The following PPM1L variants were observed in gnomAD, a reference collection of about 807,000 sequenced individuals.
The protein encoded by PPM1L is protein phosphatase 1L.
A neutral mutation model predicts 31.4 loss-of-function variants in PPM1L; 13 were observed. The ratio of observed to expected loss-of-function variants is 0.41; its 90% confidence interval spans 0.27 to 0.66. The LOEUF is 0.66. PPM1L is among the 30% of genes least tolerant of loss of function. The pLI, the probability that PPM1L is intolerant of heterozygous loss-of-function variation, is 0.29. For synonymous variants in PPM1L, 184 were observed against 175.4 expected (o/e 1.05, Z -0.39); for missense variants, 326 against 453.7 (o/e 0.72, Z 2.56).
chr3:160,877,817 G>T (rs1450403604), intron 1 of PPM1L, among the ~76,000 whole-genome samples: 1 of 152,172 alleles, frequency 6.6e-6, no homozygotes, highest in Non-Finnish European at 1.5e-5. Flanking sequence ...TTCTTATTAA[G>T]CAAATGGGTT....
chr3:161,042,911 T>G (rs1718952420), intron 2 of PPM1L, among the ~76,000 whole-genome samples: 1 of 151,316 alleles, frequency 6.6e-6, no homozygotes, highest in African/African-American at 2.4e-5. Context: ...TCCCAGCTAC[T>G]CAGGAGGCTG....
intron 1 of PPM1L, among the ~76,000 whole-genome samples, chr3:160,847,462 G>A (rs984128070): frequency 6.6e-6 from 1 of 152,098 alleles, no homozygotes; most frequent in Non-Finnish European, 1.5e-5. Flanking sequence ...GTAGAATAAC[G>A]AATTTGCCTG....
In PPM1L at chr3:161,065,542, A is replaced by G; in HGVS notation, c.714A>G (p.Glu238=). 1 of 1,614,034 alleles carries G rather than the reference A, an allele frequency of 6.2e-7. No homozygotes were observed. Among genetic ancestry groups the G allele is most frequent in the Non-Finnish European group, 8.5e-7 (1 of 1,179,930 alleles). Residue 238 remains glutamate (E), a synonymous_variant, in exon 3 of 4, where the codon GAA becomes GAG. Transcript: ENST00000498165. ...ATCACAAGCCTTACCAGTTGAAGGAAAGAAAGAGGATAAAGAGAGCAGGTG... is the reference window on the plus strand; with the variant it reads ...ATCACAAGCCTTACCAGTTGAAGGAGAGAAAGAGGATAAAGAGAGCAGGTG... ...SHDHKPYQLK[E]RKRIKRAGGF... is the part of the protein sequence containing the mutation.
Position 161,022,591 on chromosome 3 carries a change from T to C in PPM1L, c.575-42812T>C, listed in dbSNP as rs1169053368. 4 of 154,894 alleles carry C rather than the reference T, an allele frequency of 2.6e-5. No homozygotes were observed. The Admixed American group carries it at 2.6e-4, about 10-fold the overall frequency. The allele number at this position is 154,894 out of a possible 1,614,324, so 9.6% of individuals were successfully genotyped here. A position where few individuals can be genotyped will look rare whatever the true frequency, so the allele number is the denominator to read the frequency against. On this transcript the variant is annotated intron_variant, in intron 2 of 3. Coordinates refer to ENST00000498165, the MANE Select transcript of PPM1L (RefSeq NM_139245.4). ...AGGATTCTATTATGAAATCCTTTTT[T>C]TGTTCAGGGCTTCAAGTGACAACTT...
Position 160,927,627 on chromosome 3 carries a change from T to TGC in PPM1L, c.400-34107_400-34106dup, listed in dbSNP as rs546012699. On this transcript the variant is annotated intron_variant, in intron 1 of 3. Transcript: ENST00000498165. ...CCCTATGTGTGTGTGTGTGTGTGTGTGCGTGCGTGTGCGTGCGCGCGCATG... is the reference window on the plus strand; with the variant it reads ...CCCTATGTGTGTGTGTGTGTGTGTGTGCGCGTGCGTGTGCGTGCGCGCGCATG... 2.4e-4 allele frequency among the ~76,000 whole-genome samples: 36 copies of TGC among 151,922 alleles called. No individual in the cohort carries two copies. In the South Asian group the frequency reaches 3.1e-3, roughly 13 times the overall value.
At chr3:160,815,177 A>G (rs1467762836) in intron 1 of PPM1L, among the ~76,000 whole-genome samples, 1 of 152,038 alleles carries the variant, frequency 6.6e-6, no homozygotes, top group East Asian at 1.9e-4. Flanking sequence ...AGAGAGAGAG[A>G]GAGAAAAAAG....
rs1714207143 is a variant in PPM1L at position 160,916,955 on chromosome 3, C to T, written c.400-44781C>T. On this transcript the variant is annotated intron_variant, in intron 1 of 3. Transcript: ENST00000498165. ...CTTTAATTTTTAAACTATATAAACACTTGCTCATCAGCTATTTTTTGTGCT... is the reference window on the plus strand; with the variant it reads ...CTTTAATTTTTAAACTATATAAACATTTGCTCATCAGCTATTTTTTGTGCT... 2.0e-5 allele frequency among the ~76,000 whole-genome samples: 3 copies of T among 152,198 alleles called. No homozygotes were observed. In the South Asian group the frequency reaches 6.2e-4, roughly 31 times the overall value.
chr3:160,782,168 T>C (rs1015891294), intron 1 of PPM1L, among the ~76,000 whole-genome samples: 1 of 140,658 alleles, frequency 7.1e-6, no homozygotes, highest in Non-Finnish European at 1.5e-5. Flanking sequence ...ATTCTGTTTG[T>C]TTTTTTTTTG....
At chr3:160,907,516 A>G (rs1427332093) in intron 1 of PPM1L, among the ~76,000 whole-genome samples, 2 of 152,064 alleles carry the variant, frequency 1.3e-5, no homozygotes, top group African/African-American at 4.8e-5. Flanking sequence ...TTTTCTGTGT[A>G]CTTCTTCATT....
At chr3:161,054,309 A>G (rs144817643) in intron 2 of PPM1L, among the ~76,000 whole-genome samples, 1 of 151,098 alleles carries the variant, frequency 6.6e-6, no homozygotes, top group Non-Finnish European at 1.5e-5. Context: ...CAGTCTCTCC[A>G]TGAAATAGAA....
At chr3:160,857,397 T>TAA (rs1406070607) in intron 1 of PPM1L, among the ~76,000 whole-genome samples, 1 of 152,220 alleles carries the variant, frequency 6.6e-6, no homozygotes, top group Non-Finnish European at 1.5e-5. Context: ...CAACTACAGT[T>TAA]GTTTTTTGGT....
rs796768427 is a variant in PPM1L at position 160,954,924 on chromosome 3, TTTCCTTCCTTCC to T, written c.400-6785_400-6774del. On this transcript the variant is annotated intron_variant, in intron 1 of 3. Coordinates refer to ENST00000498165, the MANE Select transcript of PPM1L (RefSeq NM_139245.4). ...CCTTCCTTCCTTCCTTCCTTCCTTC[TTTCCTTCCTTCC>T]TTCCTTCCTTCCTTCCTTCCTTCCT... 2.4e-3 allele frequency among the ~76,000 whole-genome samples: 207 copies of T among 86,008 alleles called. 1 individual carries two copies. The highest frequency in any genetic ancestry group is 7.9e-3 in the African/African-American group (201 of 25,448). 56.4% of individuals were successfully genotyped at this position (86,008 alleles called of 152,430 possible). A position where few individuals can be genotyped will look rare whatever the true frequency, so the allele number is the denominator to read the frequency against.
intron 1 of PPM1L, among the ~76,000 whole-genome samples, chr3:160,811,604 TA>T (rs1219371759): frequency 6.6e-6 from 1 of 152,242 alleles, no homozygotes; most frequent in African/African-American, 2.4e-5. Context: ...TCTATGAGCT[TA>T]AATTGAATAT....
chr3:160,945,793 C>T (rs936756771), intron 1 of PPM1L, among the ~76,000 whole-genome samples: 8 of 152,108 alleles, frequency 5.3e-5, no homozygotes, highest in Non-Finnish European at 1.0e-4. Context: ...TCAGCCTACT[C>T]AACATGAAGA....
intron 2 of PPM1L, among the ~76,000 whole-genome samples, chr3:161,061,849 G>A (rs192062538): frequency 1.3e-5 from 2 of 152,194 alleles, no homozygotes; most frequent in East Asian, 1.9e-4. Context: ...AGATATTACA[G>A]GGAACAACAA....
chr3:160,884,928 G>A (rs941506433), intron 1 of PPM1L, among the ~76,000 whole-genome samples: 1 of 152,190 alleles, frequency 6.6e-6, no homozygotes, highest in Non-Finnish European at 1.5e-5. Flanking sequence ...AGAACCTTCT[G>A]TTGTTCCCTG....
intron 2 of PPM1L, among the ~76,000 whole-genome samples, chr3:161,064,369 A>T (rs917766551): frequency 2.1e-5 from 3 of 142,048 alleles, no homozygotes; most frequent in Non-Finnish European, 3.1e-5. Flanking sequence ...CCTATCTCTT[A>T]AAAAAAGAAA....
intron 1 of PPM1L, among the ~76,000 whole-genome samples, chr3:160,935,667 G>A (rs1474836978): frequency 6.6e-6 from 1 of 152,238 alleles, no homozygotes; most frequent in Non-Finnish European, 1.5e-5. Context: ...AGAAGCTTCA[G>A]TGATGGAGTC....
At chr3:160,827,846 G>A (rs1338447297) in intron 1 of PPM1L, among the ~76,000 whole-genome samples, 1 of 152,090 alleles carries the variant, frequency 6.6e-6, no homozygotes, top group Admixed American at 6.6e-5. Flanking sequence ...TCTACAGGCT[G>A]TATAAGCATG....
Sources: gnomAD v4.1 joint callset for allele counts (sites outside exome capture counted in the v4.1 genomes callset) on GRCh38, gnomAD v4.1.1 for gene constraint, MANE v1.5 for transcripts, NCBI Gene and HGNC (gene_info 2026-07-23, HGNC 2026-07-21) for gene names.